Variants in LDLRAD4 observed in about 807,000 individuals in gnomAD.
LDLRAD4 encodes the protein low-density lipoprotein receptor class A domain-containing protein 4.
LDLRAD4 carries 5 observed loss-of-function variants against 17.0 expected under a neutral mutation model. That is an observed-to-expected ratio of 0.29 (90% confidence interval 0.15 to 0.62). The LOEUF (loss-of-function observed/expected upper bound fraction) is 0.62, where lower values mean the gene tolerates loss of function less well. Ranked by LOEUF, LDLRAD4 falls within the 20% of genes least tolerant of loss-of-function variation. The probability of loss-of-function intolerance (pLI) is 0.84; values close to 1 mark genes in which losing one functional copy is unlikely to be tolerated. For missense variants in LDLRAD4, 340 were observed against 424.7 expected, an observed-to-expected ratio of 0.80 and a Z score of 1.75; for synonymous variants, 168 against 171.8, an observed-to-expected ratio of 0.98 and a Z score of 0.17.
intron 3 of LDLRAD4, among the ~76,000 whole-genome samples, chr18:13,481,442 G>A (rs1216413643): frequency 6.6e-6 from 1 of 152,196 alleles, no homozygotes; most frequent in African/African-American, 2.4e-5. Flanking sequence ...GCTTGACGCT[G>A]ACTGCTGTCA....
chr18:13,400,215 A>G (rs555179059), intron 2 of LDLRAD4, among the ~76,000 whole-genome samples: 3 of 152,340 alleles, frequency 2.0e-5, no homozygotes, highest in South Asian at 4.1e-4. Flanking sequence ...GGGGCAGCTC[A>G]TCCATGTCAC....
intron 1 of LDLRAD4, among the ~76,000 whole-genome samples, chr18:13,322,693 C>G (rs1232342343): frequency 6.6e-6 from 1 of 152,132 alleles, no homozygotes; most frequent in Non-Finnish European, 1.5e-5. Flanking sequence ...TCTCAGCTCA[C>G]TGCAACCTCT....
rs756294361 is a variant in LDLRAD4 at position 13,645,528 on chromosome 18, C to T, written c.792C>T (p.Gly264=). The T allele has an allele frequency of 1.7e-5, 28 of 1,610,552 alleles. No homozygotes were observed. Among genetic ancestry groups the T allele is most frequent in the Middle Eastern group, 1.7e-4 (1 of 6,040 alleles). ...GCGAGGTGATGGGCCACCACCCAGG[C>T]GCCTCTTTCCTCCATCACCAGCGCA... The change falls in exon 6 of 6, where the codon GGC becomes GGT. Residue 264 remains glycine (G), a synonymous_variant. Transcript: ENST00000359446. The surrounding 1 kb of genome is among the most constrained non-coding windows in gnomAD (Gnocchi z 5.7).
chr18:13,572,287 C>G (rs1192767766), intron 3 of LDLRAD4, among the ~76,000 whole-genome samples: 2 of 152,182 alleles, frequency 1.3e-5, no homozygotes, highest in Non-Finnish European at 1.5e-5. Context: ...AAGAAACAGG[C>G]CTGCTGCTGA....
intron 2 of LDLRAD4, among the ~76,000 whole-genome samples, chr18:13,424,453 CG>C (rs2089760412): frequency 6.6e-6 from 1 of 152,188 alleles, no homozygotes; most frequent in Admixed American, 6.5e-5. Flanking sequence ...CTCCCTTTAG[CG>C]CATTTGAGTC....
intron 3 of LDLRAD4, chr18:13,515,276 C>CT (rs2093847285): frequency 6.6e-6 from 1 of 152,204 alleles, no homozygotes; most frequent in Admixed American, 6.5e-5. Context: ...GGTGAGCTGC[C>CT]TGTAGGCATG....
chr18:13,573,886 G>A (rs527960970), intron 3 of LDLRAD4, among the ~76,000 whole-genome samples: 9 of 152,190 alleles, frequency 5.9e-5, no homozygotes, highest in Non-Finnish European at 8.8e-5. Context: ...CAGACATTCC[G>A]TGGGTGACGC....
intron 1 of LDLRAD4, among the ~76,000 whole-genome samples, chr18:13,232,513 CA>C (rs989522103): frequency 1.3e-5 from 2 of 150,032 alleles, no homozygotes; most frequent in Non-Finnish European, 2.9e-5. Context: ...CTGTGCTCCA[CA>C]AGCCTCCGTG....
At chr18:13,270,718 C>G (rs768694895) in intron 1 of LDLRAD4, among the ~76,000 whole-genome samples, 1 of 152,156 alleles carries the variant, frequency 6.6e-6, no homozygotes, top group African/African-American at 2.4e-5. Context: ...CTCAGGGCGT[C>G]GGCAGGTTCC....
chr18:13,629,817 A>T (rs1004371739), intron 4 of LDLRAD4, among the ~76,000 whole-genome samples: 1 of 151,416 alleles, frequency 6.6e-6, no homozygotes, highest in Non-Finnish European at 1.5e-5. Context: ...TATCTTAATG[A>T]TCATAACTCT....
At chr18:13,516,762 G>A (rs921743278) in intron 3 of LDLRAD4, among the ~76,000 whole-genome samples, 10 of 152,284 alleles carry the variant, frequency 6.6e-5, no homozygotes, top group East Asian at 1.9e-4. Context: ...AGCCTTTCAC[G>A]ATGCTTCCTG....
chr18:13,222,311 CT>C (rs915923394), intron 1 of LDLRAD4, among the ~76,000 whole-genome samples: 1 of 150,238 alleles, frequency 6.7e-6, no homozygotes, highest in African/African-American at 2.5e-5. Flanking sequence ...GTTTTTTTTT[CT>C]TTTTCTTCCT....
intron 3 of LDLRAD4, among the ~76,000 whole-genome samples, chr18:13,445,079 C>T (rs572200235): frequency 2.6e-5 from 4 of 152,178 alleles, no homozygotes; most frequent in Non-Finnish European, 5.9e-5. Context: ...TTTTACTGTG[C>T]GTGTGACCAG....
intron 3 of LDLRAD4, among the ~76,000 whole-genome samples, chr18:13,609,522 TGTGTGTGC>T (rs1446447726): frequency 1.5e-5 from 1 of 68,510 alleles, no homozygotes; most frequent in African/African-American, 4.8e-5. Flanking sequence ...ATTATGCGTG[TGTGTGTGC>T]GTGTGTGTGT....
At chr18:13,438,621 TTGTC>T (rs2090825638) in intron 3 of LDLRAD4, among the ~76,000 whole-genome samples, 6 of 152,410 alleles carry the variant, frequency 3.9e-5, no homozygotes, top group Middle Eastern at 6.8e-3. Context: ...CTTTTGCTGT[TTGTC>T]TGAGCAATGC....
At chr18:13,432,821 A>G (rs2090429016) in intron 2 of LDLRAD4, among the ~76,000 whole-genome samples, 1 of 152,170 alleles carries the variant, frequency 6.6e-6, no homozygotes, top group South Asian at 2.1e-4. Context: ...GGCTCAAGCC[A>G]TCCTCTCACC....
intron 1 of LDLRAD4, among the ~76,000 whole-genome samples, chr18:13,235,638 C>T (rs963933131): frequency 6.6e-6 from 1 of 152,238 alleles, no homozygotes; most frequent in Non-Finnish European, 1.5e-5. Flanking sequence ...CAAATTCATT[C>T]CTATTGATGG....
chr18:13,515,631 A>AG (rs1213578659), intron 3 of LDLRAD4: 25 of 152,206 alleles, frequency 1.6e-4, no homozygotes, highest in African/African-American at 5.8e-4. Flanking sequence ...ATGTTTCATC[A>AG]TTTAACAATG....
chr18:13,331,308 CTTGG>C (rs908996991), intron 1 of LDLRAD4, among the ~76,000 whole-genome samples: 1 of 152,146 alleles, frequency 6.6e-6, no homozygotes, highest in Non-Finnish European at 1.5e-5. Context: ...GAACTACTTG[CTTGG>C]TTGGTGTGTG....
Sources: allele counts gnomAD v4.1 joint callset (sites outside exome capture counted in the v4.1 genomes callset), GRCh38; gene constraint gnomAD v4.1.1; non-coding constraint Gnocchi (gnomAD v3.1); transcripts MANE v1.5; gene names NCBI Gene and HGNC (gene_info 2026-07-23, HGNC 2026-07-21).